The following EBF3 variants were observed in gnomAD, a reference collection of about 807,000 sequenced individuals.
The protein encoded by EBF3 is transcription factor COE3.
In EBF3, 18 loss-of-function variants were observed where a neutral mutation model predicts 77.1. The observed-to-expected ratio is 0.23, with a 90% CI of 0.16 to 0.35. The LOEUF (loss-of-function observed/expected upper bound fraction) is 0.35, where lower values mean the gene tolerates loss of function less well. Among genes scored for constraint, EBF3 ranks in the 10% least tolerant of loss-of-function variants. The pLI is 1.00. For missense variants in EBF3, 558 were observed against 860.0 expected (o/e 0.65, Z 4.39); for synonymous variants, 350 against 343.5 (o/e 1.02, Z -0.21).
In EBF3 at chr10:129,841,044, C is replaced by CCCCCG. The variant is rs1554892394; in HGVS notation, c.1373-13_1373-12insCGGGG. ...GCGACTGTAGCCGACTGTTGAAATCCCCCCCCCGGCCAAAAATAACATTAT... is the reference window on the plus strand; with the variant it reads ...GCGACTGTAGCCGACTGTTGAAATCCCCCCGCCCCCCCGGCCAAAAATAACATTAT... On this transcript the variant is annotated splice_polypyrimidine_tract_variant and intron_variant, in intron 13 of 16. Transcript: ENST00000440978. The surrounding 1 kb of genome is among the most constrained non-coding windows in gnomAD (Gnocchi z 4.6). 1.1e-4 allele frequency: 177 copies of CCCCCG among 1,599,386 alleles called. No homozygotes were observed. The highest frequency in any genetic ancestry group is 1.5e-4 in the Non-Finnish European group (174 of 1,172,096).
Position 129,944,057 on chromosome 10 carries a change from C to T in EBF3, c.554+13201G>A, listed in dbSNP as rs77142018. On this transcript the variant is annotated intron_variant, in intron 6 of 16. Transcript: ENST00000440978. The surrounding 1 kb of genome is among the most constrained non-coding windows in gnomAD (Gnocchi z 5.1). Reference sequence around the variant, plus strand: ...GTTATTATCGCCTTTATGTTTTAATCCATTTTTTACACCGTGGGAAAAGAA... The same window carrying T: ...GTTATTATCGCCTTTATGTTTTAATTCATTTTTTACACCGTGGGAAAAGAA... Among the ~76,000 whole-genome samples, 1,532 of 152,234 alleles carry T rather than the reference C, an allele frequency of 0.01. 29 individuals carry two copies. Among genetic ancestry groups the T allele is most frequent in the African/African-American group, 0.034 (1,406 of 41,518 alleles).
At chr10:129,853,080 G>A (rs557740899) in intron 10 of EBF3, among the ~76,000 whole-genome samples, 40 of 152,326 alleles carry the variant, frequency 2.6e-4, no homozygotes, top group Admixed American at 6.5e-4. Flanking sequence ...ACCCCTGCCC[G>A]GGAGAGCTGG....
At chr10:129,937,805 G>A (rs954967677) in intron 6 of EBF3, among the ~76,000 whole-genome samples, 6 of 152,120 alleles carry the variant, frequency 3.9e-5, no homozygotes, top group African/African-American at 7.2e-5. Flanking sequence ...AGTCCTCTCC[G>A]AGCCACACTT....
intron 6 of EBF3, among the ~76,000 whole-genome samples, chr10:129,941,320 C>T (rs1857721063): frequency 6.6e-6 from 1 of 152,250 alleles, no homozygotes; most frequent in Non-Finnish European, 1.5e-5. Context: ...TGCTCAGAAA[C>T]ACAAGGCCTC....
rs1262605717 is a variant in EBF3 at position 129,938,982 on chromosome 10, A to G, written c.554+18276T>C. 6.6e-6 allele frequency among the ~76,000 whole-genome samples: 1 copy of G among 152,254 alleles called. No individual in the cohort carries two copies. The highest frequency in any genetic ancestry group is 6.5e-5 in the Admixed American group (1 of 15,286). ...TAGAACCTCTGACCTGTCCCAAACAAATAAATGAGGGCTCTTGATGTCTTT... is the reference window on the plus strand; with the variant it reads ...TAGAACCTCTGACCTGTCCCAAACAGATAAATGAGGGCTCTTGATGTCTTT... On this transcript the variant is annotated intron_variant, in intron 6 of 16. Coordinates refer to ENST00000440978, the MANE Select transcript of EBF3 (RefSeq NM_001375380.1). This position sits in a 1 kb window ranked among gnomAD's most constrained non-coding sequence, Gnocchi z 5.1.
intron 6 of EBF3, among the ~76,000 whole-genome samples, chr10:129,910,093 G>A (rs1019607564): frequency 6.6e-6 from 1 of 152,160 alleles, no homozygotes; most frequent in African/African-American, 2.4e-5. Context: ...CAGCAGTGCC[G>A]CGCTAACGAG....
At chr10:129,840,813 G>A (rs769124910) in intron 14 of EBF3, 31 bp downstream of exon 14, 54 of 1,599,448 alleles carry the variant, frequency 3.4e-5, no homozygotes, top group Admixed American at 6.7e-5. Context: ...ATGAATCTGC[G>A]TGATGACGTG....
intron 6 of EBF3, among the ~76,000 whole-genome samples, chr10:129,941,353 G>A (rs910157275): frequency 6.6e-6 from 1 of 152,202 alleles, no homozygotes; most frequent in Non-Finnish European, 1.5e-5. Flanking sequence ...CACGTGACAG[G>A]GACAACACAA....
At chr10:129,904,855 C>A (rs76554109) in intron 6 of EBF3, among the ~76,000 whole-genome samples, 1 of 152,166 alleles carries the variant, frequency 6.6e-6, no homozygotes, top group Non-Finnish European at 1.5e-5. Context: ...TACTCCTAAA[C>A]GAACAGAAGC....
intron 11 of EBF3, among the ~76,000 whole-genome samples, chr10:129,847,290 C>T (rs1377377180): frequency 6.6e-6 from 1 of 152,172 alleles, no homozygotes; most frequent in East Asian, 1.9e-4. Context: ...GCACACAAAG[C>T]CAGCCCTAGA....
chr10:129,940,828 C>A (rs750857977), intron 6 of EBF3, among the ~76,000 whole-genome samples: 3 of 152,176 alleles, frequency 2.0e-5, no homozygotes, highest in Non-Finnish European at 4.4e-5. Flanking sequence ...GGGCACCGCC[C>A]ACCCCGGAAA....
intron 6 of EBF3, among the ~76,000 whole-genome samples, chr10:129,895,855 G>C (rs1854334729): frequency 6.6e-6 from 1 of 152,188 alleles, no homozygotes; most frequent in African/African-American, 2.4e-5. Context: ...TCAATATCAG[G>C]AGAGGTAATT....
rs1340202536 is a variant in EBF3 at position 129,935,804 on chromosome 10, G to A, written c.554+21454C>T. Among the ~76,000 whole-genome samples, 1 of 152,216 alleles carries A rather than the reference G, an allele frequency of 6.6e-6. No homozygotes were observed. The highest frequency in any genetic ancestry group is 1.5e-5 in the Non-Finnish European group (1 of 68,044). On this transcript the variant is annotated intron_variant, in intron 6 of 16. Coordinates refer to ENST00000440978, the MANE Select transcript of EBF3 (RefSeq NM_001375380.1). This position sits in a 1 kb window ranked among gnomAD's most constrained non-coding sequence, Gnocchi z 4.2. ...CTGCCACACCGGGGCCTCAGGCAAAGCCAAGGGCATAGAATGTGGGCTGGG... is the reference window on the plus strand; with the variant it reads ...CTGCCACACCGGGGCCTCAGGCAAAACCAAGGGCATAGAATGTGGGCTGGG...
chr10:129,854,850 A>T (rs1315691639), intron 10 of EBF3, among the ~76,000 whole-genome samples: 1 of 152,238 alleles, frequency 6.6e-6, no homozygotes, highest in Admixed American at 6.5e-5. Flanking sequence ...CGGGAAGCAC[A>T]AAGGCCTTGC....
chr10:129,863,408 G>A lies in EBF3; in HGVS notation c.1039+3733C>T, dbSNP rs534263789. Among the ~76,000 whole-genome samples, 5 of 152,338 alleles carry A rather than the reference G, an allele frequency of 3.3e-5. No homozygotes were observed. In the South Asian group the frequency reaches 6.2e-4, roughly 19 times the overall value. ...CTGGCCTGCCTTCCCCTTCCCACTCGGGGTTGACTAATAGGGTCTGGTTCA... is the reference window on the plus strand; with the variant it reads ...CTGGCCTGCCTTCCCCTTCCCACTCAGGGTTGACTAATAGGGTCTGGTTCA... On this transcript the variant is annotated intron_variant, in intron 10 of 16. Transcript: ENST00000440978. The surrounding 1 kb of genome is among the most constrained non-coding windows in gnomAD (Gnocchi z 4.0).
intron 10 of EBF3, among the ~76,000 whole-genome samples, chr10:129,859,693 G>A (rs1851487179): frequency 1.3e-5 from 2 of 152,356 alleles, no homozygotes; most frequent in East Asian, 1.9e-4. Context: ...ATGAAACCAC[G>A]AGCAGCCAGG....
At chr10:129,915,591 C>T (rs1855832918) in intron 6 of EBF3, among the ~76,000 whole-genome samples, 1 of 152,014 alleles carries the variant, frequency 6.6e-6, no homozygotes, top group Admixed American at 6.6e-5. Flanking sequence ...TTGTAACGAG[C>T]GACAGCCCAG....
At chr10:129,921,834 A>G (rs1159294415) in intron 6 of EBF3, among the ~76,000 whole-genome samples, 3 of 152,098 alleles carry the variant, frequency 2.0e-5, no homozygotes, top group Non-Finnish European at 4.4e-5. Context: ...CTCAAACACG[A>G]AGGCCGCCCT....
chr10:129,838,560 C>T (rs1043934716), intron 16 of EBF3, among the ~76,000 whole-genome samples: 5 of 152,168 alleles, frequency 3.3e-5, no homozygotes, highest in African/African-American at 7.2e-5. Context: ...GCAAGGGCCA[C>T]GGAGAGACGT....
Sources: gnomAD v4.1 joint callset for allele counts (sites outside exome capture counted in the v4.1 genomes callset) on GRCh38, gnomAD v4.1.1 for gene constraint, Gnocchi (gnomAD v3.1) non-coding constraint, MANE v1.5 for transcripts, NCBI Gene and HGNC (gene_info 2026-07-23, HGNC 2026-07-21) for gene names.